ST18: variants seen among roughly 807,000 people sequenced by gnomAD.
ST18 encodes the protein ST18 C2H2C-type zinc finger transcription factor.
In ST18, 50 loss-of-function variants were observed where a neutral mutation model predicts 110.0. The ratio of observed to expected loss-of-function variants is 0.45; its 90% CI spans 0.36 to 0.58. The LOEUF is 0.58. Among genes scored for constraint, ST18 ranks in the 20% least tolerant of loss-of-function variants. The pLI is 0.00. For synonymous variants in ST18, 461 were observed against 452.4 expected (o/e 1.02, Z -0.24); for missense variants, 1,306 against 1,280.1 (o/e 1.02, Z -0.31).
chr8:52,120,908 G>A (rs2044478631), intron 23 of ST18, among the ~76,000 whole-genome samples: 1 of 152,108 alleles, frequency 6.6e-6, no homozygotes, highest in South Asian at 2.1e-4. Context: ...ACTTGTGAGG[G>A]CTAGAGGTAG....
In ST18 at chr8:52,171,796, A is replaced by G. The variant is rs1372947337; in HGVS notation, c.1065T>C (p.Asn355=). The G allele has an allele frequency of 6.2e-7, 1 of 1,610,544 alleles. No homozygotes were observed. The highest frequency in any genetic ancestry group is 8.5e-7 in the Non-Finnish European group (1 of 1,177,616). Residue 355 remains asparagine, a synonymous_variant, in exon 10 of 26, where the codon AAT becomes AAC. Coordinates refer to ENST00000689386, the MANE Select transcript of ST18 (RefSeq NM_001352837.2). ...IDMGGRQIFN[N]KHSPRPEKRE... ...AAATGCAAAAATGTGTCTTACGTTT[A>G]TTGTTAAAGATTTGTCTTCCACCCA...
intron 15 of ST18, among the ~76,000 whole-genome samples, chr8:52,157,879 G>A (rs1160995629): frequency 6.6e-6 from 1 of 152,256 alleles, no homozygotes; most frequent in Non-Finnish European, 1.5e-5. Flanking sequence ...GGGGAAAAGA[G>A]GAGCCATGGT....
intron 2 of ST18, among the ~76,000 whole-genome samples, chr8:52,332,530 CTTTTTTTTTTTTTTTTT>C (rs140331895): frequency 2.0e-5 from 1 of 49,768 alleles, no homozygotes; most frequent in African/African-American, 6.6e-5. Flanking sequence ...TCTAATGTAG[CTTTTTTTTTTTTTTTTT>C]TTTTTTTTTT....
chr8:52,168,448 C>A (rs533200711), intron 10 of ST18, among the ~76,000 whole-genome samples: 3 of 151,980 alleles, frequency 2.0e-5, no homozygotes, highest in African/African-American at 2.4e-5. Flanking sequence ...CTCTGCCATA[C>A]CATGGCACCC....
At chr8:52,163,352 T>C (rs1283627686) in intron 13 of ST18, among the ~76,000 whole-genome samples, 1 of 152,202 alleles carries the variant, frequency 6.6e-6, no homozygotes, top group African/African-American at 2.4e-5. Flanking sequence ...CCTGAAATCA[T>C]TTTCCCTACA....
chr8:52,155,387 T>A (rs188544087), intron 15 of ST18, among the ~76,000 whole-genome samples: 1 of 152,306 alleles, frequency 6.6e-6, no homozygotes, highest in African/African-American at 2.4e-5. Flanking sequence ...ATATGTTGGA[T>A]TGTATTTTAA....
intron 8 of ST18, among the ~76,000 whole-genome samples, chr8:52,183,133 T>G (rs1010574330): frequency 1.3e-5 from 2 of 152,152 alleles, no homozygotes; most frequent in African/African-American, 4.8e-5. Flanking sequence ...TAGATGTGGG[T>G]GATTTCTGTA....
chr8:52,113,114 G>A lies in ST18; in HGVS notation c.*84C>T. 3 of 1,519,150 alleles carry A rather than the reference G, an allele frequency of 2.0e-6. No homozygotes were observed. In the South Asian group the frequency reaches 3.9e-5, roughly 20 times the overall value. The allele number at this position is 1,519,150 out of a possible 1,614,324, so 94.1% of individuals were successfully genotyped here. On this transcript the variant is annotated 3_prime_UTR_variant, in exon 26 of 26. Transcript: ENST00000689386. ...GTAAATGCAGTACGGCAACCTCCAC[G>A]CCTTAGCAGTACATGAACCTCTAAC...
At chr8:52,300,740 T>G (rs2095707996) in intron 2 of ST18, among the ~76,000 whole-genome samples, 1 of 152,232 alleles carries the variant, frequency 6.6e-6, no homozygotes, top group African/African-American at 2.4e-5. Flanking sequence ...TGTCACTGGC[T>G]GCTTTCATGC....
Position 52,116,279 on chromosome 8 carries a change from T to G in ST18, c.2999A>C (p.Gln1000Pro). ...ISSLADIQLP[Q>P]MGPISEQNFE... ...AGGTTCTGGCCTTGAACTTACCATC[T>G]GTGGAAGCTGGATGTCAGCAAGGCT... The change falls in exon 25 of 26, where the codon CAG (glutamine) becomes CCG (proline). Residue 1000 changes from glutamine to proline, a missense_variant. By Grantham distance (76) the Gln-to-Pro change is moderately conservative (BLOSUM62 -1). Transcript: ENST00000689386. 1 of 1,613,286 alleles carries G rather than the reference T, an allele frequency of 6.2e-7. No individual in the cohort carries two copies. Among genetic ancestry groups the G allele is most frequent in the African/African-American group, 1.3e-5 (1 of 75,008 alleles).
At chr8:52,142,792 G>A (rs1018885310) in intron 17 of ST18, 138 bp downstream of exon 17, 2 of 622,538 alleles carry the variant, frequency 3.2e-6, no homozygotes, top group African/African-American at 1.8e-5. Context: ...CAGGTTAGAT[G>A]CGTGTTTAAC....
intron 2 of ST18, among the ~76,000 whole-genome samples, chr8:52,342,842 A>G (rs1815779317): frequency 6.6e-6 from 1 of 152,208 alleles, no homozygotes; most frequent in African/African-American, 2.4e-5. Flanking sequence ...ATGTTTCCCC[A>G]TCACCACTGC....
Position 52,375,119 on chromosome 8 carries a change from A to ATC in ST18, c.-465+34207_-465+34208dup, listed in dbSNP as rs141283178. 3.8e-4 allele frequency among the ~76,000 whole-genome samples: 56 copies of ATC among 145,676 alleles called. 2 individuals carry two copies. The highest frequency in any genetic ancestry group is 2.2e-3 in the South Asian group (10 of 4,538). On this transcript the variant is annotated intron_variant, in intron 2 of 25. Coordinates refer to ENST00000689386, the MANE Select transcript of ST18 (RefSeq NM_001352837.2). ...TTACTCTCTCTTTCTCTCTCTCTTT[A>ATC]TCTCTCTCTCTCTCTCTCTGCCTAT...
intron 2 of ST18, among the ~76,000 whole-genome samples, chr8:52,288,124 C>A (rs1228921958): frequency 2.0e-5 from 3 of 152,198 alleles, no homozygotes; most frequent in African/African-American, 7.2e-5. Flanking sequence ...CAGCCCTACG[C>A]CTGATTCAGT....
chr8:52,264,685 AG>A (rs1474064808), intron 2 of ST18, among the ~76,000 whole-genome samples: 2 of 152,212 alleles, frequency 1.3e-5, no homozygotes, highest in Non-Finnish European at 2.9e-5. Context: ...TTTAAGTGCA[AG>A]AAATTGAGTA....
chr8:52,134,192 G>A lies in ST18; in HGVS notation c.2301-891C>T, dbSNP rs189714819. On this transcript the variant is annotated intron_variant, in intron 19 of 25. Coordinates refer to ENST00000689386, the MANE Select transcript of ST18 (RefSeq NM_001352837.2). ...CAATAATTTGCACCTGGTCTGTCCT[G>A]CTTCATGGCCCAAGTCAAACAGTCT... Among the ~76,000 whole-genome samples, 33 of 152,274 alleles carry A rather than the reference G, an allele frequency of 2.2e-4. 1 individual carries two copies. Among genetic ancestry groups the A allele is most frequent in the Admixed American group, 2.0e-3 (30 of 15,290 alleles).
chr8:52,274,604 C>T (rs1340292204), intron 2 of ST18, among the ~76,000 whole-genome samples: 1 of 146,538 alleles, frequency 6.8e-6, no homozygotes, highest in Non-Finnish European at 1.5e-5. Context: ...AGGGTAGGTC[C>T]TGTTTGCTCC....
chr8:52,376,162 A>G (rs1013128603), intron 2 of ST18, among the ~76,000 whole-genome samples: 1 of 152,122 alleles, frequency 6.6e-6, no homozygotes, highest in African/African-American at 2.4e-5. Flanking sequence ...ATCAAAATTC[A>G]TCTGCTCAAA....
chr8:52,345,389 C>T (rs141677976), intron 2 of ST18, among the ~76,000 whole-genome samples: 20 of 152,280 alleles, frequency 1.3e-4, no homozygotes, highest in African/African-American at 2.9e-4. Context: ...TGGCAATGAA[C>T]GATGACTTCA....
Sources: allele counts gnomAD v4.1 joint callset (sites outside exome capture counted in the v4.1 genomes callset), GRCh38; gene constraint gnomAD v4.1.1; transcripts MANE v1.5; gene names NCBI Gene and HGNC (gene_info 2026-07-23, HGNC 2026-07-21).